PLCG2: variants seen among roughly 807,000 people sequenced by gnomAD.
The protein encoded by PLCG2 is 1-phosphatidylinositol 4,5-bisphosphate phosphodiesterase gamma-2.
Under a neutral mutation model 175.6 loss-of-function variants are expected in PLCG2, and 69 were observed. The observed-to-expected ratio is 0.39, with a 90% CI of 0.32 to 0.48. The LOEUF (loss-of-function observed/expected upper bound fraction) is 0.48, where lower values mean the gene tolerates loss of function less well. Ranked by LOEUF, PLCG2 falls within the 20% of genes least tolerant of loss-of-function variation. The pLI, the probability that PLCG2 is intolerant of heterozygous loss-of-function variation, is 0.91. For synonymous variants in PLCG2, 827 were observed against 624.0 expected (o/e 1.33, Z -4.85); for missense variants, 1,798 against 1,650.9 (o/e 1.09, Z -1.54).
chr16:81,742,163 G>GGT (rs1909610298), intron 1 of PLCG2, among the ~76,000 whole-genome samples: 1 of 137,374 alleles, frequency 7.3e-6, no homozygotes, highest in African/African-American at 2.7e-5. Flanking sequence ...GCGGGGGGGG[G>GGT]GGCGGTGTTG....
intron 2 of PLCG2, among the ~76,000 whole-genome samples, chr16:81,846,462 A>C (rs1386015091): frequency 1.1e-4 from 16 of 152,238 alleles, no homozygotes; most frequent in Admixed American, 1.0e-3. Context: ...AACCTATGAT[A>C]ACATGCAAAA....
intron 2 of PLCG2, among the ~76,000 whole-genome samples, chr16:81,771,712 A>G (rs1465850407): frequency 6.6e-6 from 1 of 151,810 alleles, no homozygotes; most frequent in Non-Finnish European, 1.5e-5. Context: ...CAACAAAAAA[A>G]CTAAGTCCTA....
upstream of PLCG2, among the ~76,000 whole-genome samples, chr16:81,778,053 A>AG (rs1312443212): frequency 1.9e-5 from 1 of 52,020 alleles, no homozygotes; most frequent in Non-Finnish European, 3.6e-5. Flanking sequence ...CAAAAAAAAA[A>AG]ACAAAAAAAA....
At chr16:81,946,306 T>C in intron 31 of PLCG2, 43 bp downstream of exon 31, 1 of 1,429,876 alleles carries the variant, frequency 7.0e-7, no homozygotes, top group Non-Finnish European at 9.9e-7. Context: ...GAGCTATGCC[T>C]GCTGGTGAGG....
chr16:81,805,767 GT>G (rs766609754), intron 2 of PLCG2, among the ~76,000 whole-genome samples: 656 of 39,540 alleles, frequency 0.017, 7 homozygotes, highest in South Asian at 0.053. Context: ...GTTTTGTTTT[GT>G]TTTTTTTTTT....
chr16:81,857,774 ATTCAGT>A (rs1225258745), intron 3 of PLCG2, among the ~76,000 whole-genome samples: 1 of 152,192 alleles, frequency 6.6e-6, no homozygotes, highest in Non-Finnish European at 1.5e-5. Context: ...GAATGCAAAT[ATTCAGT>A]CTGTAATGGC....
At chr16:81,933,213 G>A (rs1453044437) in intron 25 of PLCG2, among the ~76,000 whole-genome samples, 1 of 152,182 alleles carries the variant, frequency 6.6e-6, no homozygotes, top group Non-Finnish European at 1.5e-5. Context: ...GATTTTTAAA[G>A]TCCTGTTATT....
intron 6 of PLCG2, 51 bp downstream of exon 6, chr16:81,869,349 C>G (rs771371340): frequency 1.5e-6 from 2 of 1,314,100 alleles, no homozygotes; most frequent in South Asian, 1.2e-5. Flanking sequence ...AGTGACTTAG[C>G]CTCTCTCATG....
At chr16:81,879,295 C>G (rs1196278618) in intron 7 of PLCG2, among the ~76,000 whole-genome samples, 3 of 152,122 alleles carry the variant, frequency 2.0e-5, no homozygotes, top group Non-Finnish European at 4.4e-5. Flanking sequence ...GTAAATGAGT[C>G]CAAATAGCAA....
chr16:81,867,478 T>G (rs1259868649), intron 5 of PLCG2, among the ~76,000 whole-genome samples: 3 of 152,188 alleles, frequency 2.0e-5, no homozygotes, highest in Non-Finnish European at 4.4e-5. Flanking sequence ...GGTACCAAAC[T>G]GATCGGTGCC....
At chr16:81,874,199 C>T (rs1309638139) in intron 7 of PLCG2, among the ~76,000 whole-genome samples, 4 of 152,050 alleles carry the variant, frequency 2.6e-5, no homozygotes, top group Admixed American at 6.6e-5. Flanking sequence ...ATTTGGCTTC[C>T]CTTAGGAAAA....
At chr16:81,865,226 G>A (rs2143512482) in intron 5 of PLCG2, among the ~76,000 whole-genome samples, 1 of 152,238 alleles carries the variant, frequency 6.6e-6, no homozygotes, top group East Asian at 1.9e-4. Context: ...GCTTTGACCT[G>A]GGCGAGGCAC....
At chr16:81,820,600 C>T (rs1045863372) in intron 2 of PLCG2, among the ~76,000 whole-genome samples, 3 of 144,944 alleles carry the variant, frequency 2.1e-5, no homozygotes, top group Non-Finnish European at 4.5e-5. Flanking sequence ...GTTTTCCCCT[C>T]TGTATAATGG....
chr16:81,848,093 G>A (rs1161452895), intron 2 of PLCG2, among the ~76,000 whole-genome samples: 4 of 152,182 alleles, frequency 2.6e-5, no homozygotes, highest in African/African-American at 4.8e-5. Flanking sequence ...TTACTCTAAC[G>A]TTCCAGTAAT....
At chr16:81,827,436 G>C (rs1220791986) in intron 2 of PLCG2, among the ~76,000 whole-genome samples, 2 of 151,844 alleles carry the variant, frequency 1.3e-5, no homozygotes, top group African/African-American at 4.8e-5. Context: ...GAGTTCACCT[G>C]TCTTGGCTTC....
In PLCG2 at chr16:81,932,096, G is replaced by A. The variant is rs146832381; in HGVS notation, c.2739+442G>A. 3.7e-4 allele frequency among the ~76,000 whole-genome samples: 57 copies of A among 152,282 alleles called. 1 individual carries two copies. Among genetic ancestry groups the A allele is most frequent in the Middle Eastern group, 3.4e-3 (1 of 294 alleles). On this transcript the variant is annotated intron_variant, in intron 25 of 32. Transcript: ENST00000564138. ...GAACATAGCAAATCAGCGAGACCCGGTTCTTTCCGGTGGAGGAACTTCCCC... is the reference window on the plus strand; with the variant it reads ...GAACATAGCAAATCAGCGAGACCCGATTCTTTCCGGTGGAGGAACTTCCCC...
chr16:81,923,224 C>T (rs1817200274), intron 21 of PLCG2, among the ~76,000 whole-genome samples: 1 of 133,784 alleles, frequency 7.5e-6, no homozygotes, highest in Admixed American at 7.4e-5. Flanking sequence ...TAGCCCCAAA[C>T]CCTAACTCCT....
intron 7 of PLCG2, among the ~76,000 whole-genome samples, chr16:81,880,615 T>C (rs1488291972): frequency 6.6e-6 from 1 of 152,206 alleles, no homozygotes; most frequent in Non-Finnish European, 1.5e-5. Context: ...TAATATGATA[T>C]GATACCATTA....
chr16:81,863,501 C>G (rs1026653658), intron 5 of PLCG2, among the ~76,000 whole-genome samples: 5 of 152,224 alleles, frequency 3.3e-5, no homozygotes. Context: ...AATAGTGCTG[C>G]TGCGAACATG....
Sources: allele counts gnomAD v4.1 joint callset (sites outside exome capture counted in the v4.1 genomes callset), GRCh38; gene constraint gnomAD v4.1.1; transcripts MANE v1.5; gene names NCBI Gene and HGNC (gene_info 2026-07-23, HGNC 2026-07-21).